PRAMEF27: variants seen among roughly 807,000 people sequenced by gnomAD.
PRAMEF27 encodes PRAME family member 27.
In PRAMEF27, 5 loss-of-function variants were observed where a neutral mutation model predicts 21.0. The observed-to-expected ratio is 0.24, with a 90% CI of 0.12 to 0.50. The LOEUF (loss-of-function observed/expected upper bound fraction) is 0.50, where lower values mean the gene tolerates loss of function less well. Ranked by LOEUF, PRAMEF27 falls within the 20% of genes least tolerant of loss-of-function variation. The pLI, the probability that PRAMEF27 is intolerant of heterozygous loss-of-function variation, is 0.98. For synonymous variants in PRAMEF27, 61 were observed against 211.2 expected, an observed-to-expected ratio of 0.29 and a Z score of 6.17; for missense variants, 138 against 541.4, an observed-to-expected ratio of 0.25 and a Z score of 7.39.
intron 1 of PRAMEF27, chr1:13,055,916 G>A (rs1328879996): frequency 3.0e-5 from 4 of 132,880 alleles, no homozygotes; most frequent in Non-Finnish European, 4.5e-5. Context: ...GCCAGGCATG[G>A]TTTCAGATGT....
intron 3 of PRAMEF27, 38 bp from the exon 4 acceptor site, chr1:13,050,407 A>C: frequency 3.4e-6 from 3 of 886,214 alleles, no homozygotes; most frequent in Non-Finnish European, 5.0e-6. Context: ...CTGGGGAATC[A>C]TAGGGGTGAG....
chr1:13,049,854 C>G lies in PRAMEF27; in HGVS notation c.1391G>C (p.Gly464Ala). ...FFCIDNCPDCGNRSFYDLEAD... is the reference protein window; with the variant it reads ...FFCIDNCPDCANRSFYDLEAD... ...CTCCAGGTCATAAAATGACCTGTTG[C>G]CACAGTCAGGGCAGTTATCAATACA... The change falls in exon 4 of 4, where the codon GGC becomes GCC. Residue 464 changes from glycine to alanine, a missense_variant. Gly to Ala is a moderately conservative substitution (Grantham distance 60). Coordinates refer to ENST00000436041, the MANE Select transcript of PRAMEF27 (RefSeq NM_001300891.2). 7.1e-7 allele frequency: 1 copy of G among 1,413,690 alleles called. No homozygotes were observed. Among genetic ancestry groups the G allele is most frequent in the East Asian group, 2.6e-5 (1 of 38,118 alleles). 87.6% of individuals were successfully genotyped at this position (1,413,690 alleles called of 1,614,324 possible).
intron 1 of PRAMEF27, chr1:13,055,732 G>A (rs1642240074): frequency 6.8e-6 from 1 of 147,230 alleles, no homozygotes; most frequent in Non-Finnish European, 1.5e-5. Context: ...CTGGACTCAA[G>A]TGATTCTCCC....
chr1:13,050,567 C>G, intron 3 of PRAMEF27, 198 bp from the exon 4 acceptor site: 1 of 579,162 alleles, frequency 1.7e-6, no homozygotes, highest in East Asian at 2.8e-5. Context: ...AGAGCCGGCC[C>G]AGTAACTCAC....
At chr1:13,050,531 T>A in intron 3 of PRAMEF27, 162 bp from the exon 4 acceptor site, 1 of 1,173,298 alleles carries the variant, frequency 8.5e-7, no homozygotes, top group Non-Finnish European at 1.2e-6. Context: ...GATGAAGAGC[T>A]TTGCCACCGA....
chr1:13,053,814 G>T lies in PRAMEF27; in HGVS notation c.-16-139C>A, dbSNP rs1642230017. On this transcript the variant is annotated intron_variant, in intron 1 of 3. Coordinates refer to ENST00000436041, the MANE Select transcript of PRAMEF27 (RefSeq NM_001300891.2). Reference sequence around the variant, plus strand: ...TTACTCCAATTCTGCCCTGTACTCAGTGGCCATTAAGCCAGCATTGTGCCT... The same window carrying T: ...TTACTCCAATTCTGCCCTGTACTCATTGGCCATTAAGCCAGCATTGTGCCT... The T allele has an allele frequency of 7.6e-6, 9 of 1,188,818 alleles. 1 individual carries two copies. Among genetic ancestry groups the T allele is most frequent in the African/African-American group, 7.5e-5 (2 of 26,620 alleles). The allele number at this position is 1,188,818 out of a possible 1,614,324, so 73.6% of individuals were successfully genotyped here. A position where few individuals can be genotyped will look rare whatever the true frequency, so the allele number is the denominator to read the frequency against.
chr1:13,051,916 C>T (rs1202594202), intron 3 of PRAMEF27: 9 of 641,894 alleles, frequency 1.4e-5, no homozygotes, highest in Non-Finnish European at 2.2e-5. Flanking sequence ...TAGCATCTCC[C>T]CTAGCTGATC....
chr1:13,050,545 C>T, intron 3 of PRAMEF27, 176 bp from the exon 4 acceptor site: 1 of 914,232 alleles, frequency 1.1e-6, no homozygotes, highest in Non-Finnish European at 1.6e-6. Flanking sequence ...CCACCGAGGT[C>T]AATTCCACCT....
intron 1 of PRAMEF27, chr1:13,055,820 G>A (rs1168600764): frequency 3.6e-5 from 5 of 138,568 alleles, no homozygotes. Flanking sequence ...GGGAGGCCAA[G>A]GCAGGTGGAT....
At chr1:13,053,780 G>C in intron 1 of PRAMEF27, 105 bp from the exon 2 acceptor site, 3 of 1,396,106 alleles carry the variant, frequency 2.1e-6, no homozygotes, top group Non-Finnish European at 2.8e-6. Flanking sequence ...TGGTGAAACA[G>C]CCCTCAGTTT....
intron 3 of PRAMEF27, chr1:13,051,674 A>T (rs1642205980): frequency 6.1e-6 from 1 of 163,812 alleles, no homozygotes. Context: ...TTATTTCTTC[A>T]CTTCTGACAG....
intron 1 of PRAMEF27, chr1:13,055,290 A>C (rs1337196322): frequency 6.6e-5 from 1 of 15,118 alleles, no homozygotes. Context: ...CATCAAATTT[A>C]TCAAAATATT....
Position 13,056,466 on chromosome 1 carries a change from G to C in PRAMEF27, c.-69C>G, listed in dbSNP as rs1449463739. 7.8e-6 allele frequency: 1 copy of C among 128,232 alleles called. No homozygotes were observed. Among genetic ancestry groups the C allele is most frequent in the Non-Finnish European group, 1.5e-5 (1 of 65,458 alleles). The allele number at this position is 128,232 out of a possible 1,614,324, so 7.9% of individuals were successfully genotyped here. A position where few individuals can be genotyped will look rare whatever the true frequency, so the allele number is the denominator to read the frequency against. On this transcript the variant is annotated 5_prime_UTR_variant, in exon 1 of 4. Transcript: ENST00000436041. ...TCAGACCTCAGGAAGAACCAGGCAG[G>C]AACTCCAGGCTTGAAGACTTTGGGT...
chr1:13,053,760 G>A lies in PRAMEF27; in HGVS notation c.-16-85C>T. ...ATCTTCTCCTATGGCCAAACTCACT[G>A]CTCTGGCAATGGTGAAACAGCCCTC... is the stretch of plus-strand genomic sequence containing the variant. On this transcript the variant is annotated intron_variant, in intron 1 of 3. Transcript: ENST00000436041. 4 of 1,477,486 alleles carry A rather than the reference G, an allele frequency of 2.7e-6. No homozygotes were observed. The South Asian group carries it at 4.0e-5, about 15-fold the overall frequency. The allele number at this position is 1,477,486 out of a possible 1,614,324, so 91.5% of individuals were successfully genotyped here.
Position 13,056,550 on chromosome 1 carries a change from G to A in PRAMEF27, c.-153C>T, listed in dbSNP as rs1411018877. The stretch of plus-strand genomic sequence containing the variant: ...CTTTCTAATCACAACTCCCACCCAC[G>A]CCCTTCCACGTGTGCACTGCTAGCT... On this transcript the variant is annotated 5_prime_UTR_variant, in exon 1 of 4. Transcript: ENST00000436041. 7.7e-6 allele frequency: 1 copy of A among 129,704 alleles called. No individual in the cohort carries two copies. The highest frequency in any genetic ancestry group is 7.1e-5 in the Admixed American group (1 of 14,150). 8.0% of individuals were successfully genotyped at this position (129,704 alleles called of 1,614,324 possible). A position where few individuals can be genotyped will look rare whatever the true frequency, so the allele number is the denominator to read the frequency against.
chr1:13,050,499 G>T, intron 3 of PRAMEF27, 130 bp from the exon 4 acceptor site: 2 of 1,308,470 alleles, frequency 1.5e-6, no homozygotes, highest in Non-Finnish European at 2.1e-6. Context: ...TGGCCTGATG[G>T]TCAACACTTA....
intron 1 of PRAMEF27, chr1:13,055,248 T>C (rs1335420243): frequency 1.4e-4 from 1 of 7,200 alleles, no homozygotes; most frequent in Non-Finnish European, 2.9e-4. Flanking sequence ...AAAGAAAACT[T>C]GAAAGTATCT....
Position 13,053,855 on chromosome 1 carries a change from G to T in PRAMEF27, c.-16-180C>A, listed in dbSNP as rs1485633897. 1.6e-5 allele frequency: 14 copies of T among 894,598 alleles called. 2 individuals carry two copies. Among genetic ancestry groups the T allele is most frequent in the Non-Finnish European group, 2.0e-5 (13 of 652,036 alleles). The allele number at this position is 894,598 out of a possible 1,614,324, so 55.4% of individuals were successfully genotyped here. A position where few individuals can be genotyped will look rare whatever the true frequency, so the allele number is the denominator to read the frequency against. The stretch of plus-strand genomic sequence containing the variant: ...CATTGTGCCTCTGCTGCATCAGCAT[G>T]AGCGTCTCCGAAGCAGTGAGGAAGC... On this transcript the variant is annotated intron_variant, in intron 1 of 3. Transcript: ENST00000436041.
chr1:13,053,865 G>A, intron 1 of PRAMEF27, 190 bp from the exon 2 acceptor site: 1 of 819,182 alleles, frequency 1.2e-6, no homozygotes, highest in East Asian at 3.2e-5. Flanking sequence ...GAGCGTCTCC[G>A]AAGCAGTGAG....
Sources: allele counts gnomAD v4.1 joint callset, GRCh38; gene constraint gnomAD v4.1.1; transcripts MANE v1.5; gene names NCBI Gene and HGNC (gene_info 2026-07-23, HGNC 2026-07-21).